ALDH5A1: variants seen among roughly 807,000 people sequenced by gnomAD.
ALDH5A1 encodes aldehyde dehydrogenase 5 family member A1.
ALDH5A1 carries 33 observed loss-of-function variants against 54.7 expected under a neutral mutation model. The observed-to-expected ratio is 0.60, with a 90% CI of 0.46 to 0.81. ALDH5A1 has a LOEUF of 0.81. ALDH5A1 is among the 30% of genes least tolerant of loss of function. The pLI, the probability that ALDH5A1 is intolerant of heterozygous loss-of-function variation, is 0.00. For synonymous variants in ALDH5A1, 294 were observed against 292.7 expected (o/e 1.00, Z -0.05); for missense variants, 657 against 711.0 (o/e 0.92, Z 0.86).
At chr6:24,505,032 A>C in intron 4 of ALDH5A1, 47 bp downstream of exon 4, 1 of 1,592,842 alleles carries the variant, frequency 6.3e-7, no homozygotes, top group Non-Finnish European at 8.6e-7. Flanking sequence ...AAGTTCAAAA[A>C]TTGATGTTTA....
chr6:24,515,121 T>TC (rs74270288), intron 4 of ALDH5A1, 46 bp from the exon 5 acceptor site: 35 of 1,494,300 alleles, frequency 2.3e-5, no homozygotes, highest in South Asian at 7.5e-5. Flanking sequence ...TTTTTTTTTT[T>TC]CAGTTTGGTA....
intron 6 of ALDH5A1, among the ~76,000 whole-genome samples, chr6:24,522,392 T>C (rs1759701889): frequency 6.6e-6 from 1 of 151,342 alleles, no homozygotes; most frequent in Admixed American, 6.6e-5. Context: ...CCTAGGAGAA[T>C]TGCACTCTTT....
intron 8 of ALDH5A1, among the ~76,000 whole-genome samples, chr6:24,529,378 G>A (rs1488544908): frequency 2.6e-5 from 4 of 151,926 alleles, no homozygotes; most frequent in Non-Finnish European, 4.4e-5. Flanking sequence ...TGTTGGCCAG[G>A]CTGGCCTCAA....
intron 3 of ALDH5A1, 123 bp from the exon 4 acceptor site, chr6:24,504,746 G>C: frequency 4.0e-6 from 4 of 989,488 alleles, no homozygotes; most frequent in Non-Finnish European, 6.5e-6. Context: ...CACCTGTGCA[G>C]CCAAACGGGT....
intron 1 of ALDH5A1, among the ~76,000 whole-genome samples, chr6:24,497,583 A>G (rs1764739563): frequency 6.7e-6 from 1 of 148,150 alleles, no homozygotes; most frequent in Admixed American, 6.6e-5. Context: ...AAAGTTCTCC[A>G]AGTCCCCACT....
chr6:24,496,294 G>A (rs1462660896), intron 1 of ALDH5A1, among the ~76,000 whole-genome samples: 1 of 152,176 alleles, frequency 6.6e-6, no homozygotes, highest in Non-Finnish European at 1.5e-5. Context: ...GCAGAAGAGA[G>A]ATCAGAACTC....
At chr6:24,526,962 A>ATCTAC (rs1561878624) in intron 7 of ALDH5A1, among the ~76,000 whole-genome samples, 1 of 10,902 alleles carries the variant, frequency 9.2e-5, no homozygotes, top group Admixed American at 7.6e-4. Flanking sequence ...TAATATATAT[A>ATCTAC]TATGTGTGTG....
At chr6:24,507,533 G>A (rs2328824) in intron 4 of ALDH5A1, among the ~76,000 whole-genome samples, 91,504 of 151,490 alleles carry the variant, frequency 0.6, 28,021 homozygotes, top group Middle Eastern at 0.69. Context: ...TGTGATGATT[G>A]CTTTGAGTCC....
At chr6:24,500,857 G>A (rs914416170) in intron 1 of ALDH5A1, among the ~76,000 whole-genome samples, 1 of 151,920 alleles carries the variant, frequency 6.6e-6, no homozygotes, top group African/African-American at 2.4e-5. Flanking sequence ...GGGTCAGTTA[G>A]CATGAGCAAT....
intron 5 of ALDH5A1, among the ~76,000 whole-genome samples, chr6:24,516,252 C>T (rs1202613740): frequency 2.6e-5 from 4 of 151,420 alleles, no homozygotes; most frequent in African/African-American, 4.9e-5. Flanking sequence ...CTGGCTAACA[C>T]GGTGAAACCC....
In ALDH5A1 at chr6:24,528,111, C is replaced by A. The variant is rs1230578359; in HGVS notation, c.1288C>A (p.Gln430Lys). 1.2e-6 allele frequency: 2 copies of A among 1,614,082 alleles called. No homozygotes were observed. The highest frequency in any genetic ancestry group is 1.1e-5 in the South Asian group (1 of 91,074). Reference protein sequence around the residue: ...FEPTLLCNVTQDMLCTHEETF... With the variant: ...FEPTLLCNVTKDMLCTHEETF... ...GCCTACCCTGCTGTGCAATGTCACC[C>A]AGGACATGCTGTGCACTCATGAAGA... The change falls in exon 8 of 10, where the codon CAG becomes AAG. Residue 430 changes from glutamine (Q) to lysine (K), a missense_variant. Around this residue, in one of 2 missense-constraint regions of ALDH5A1, gnomAD observed 425 missense variants for 516.4 expected, o/e 0.82. Coordinates refer to ENST00000357578, the MANE Select transcript of ALDH5A1 (RefSeq NM_001080.3).
chr6:24,506,366 C>T (rs755909242), intron 4 of ALDH5A1, among the ~76,000 whole-genome samples: 1 of 147,378 alleles, frequency 6.8e-6, no homozygotes, highest in Non-Finnish European at 1.5e-5. Flanking sequence ...CAATTTTCTG[C>T]CTCAGCCTCC....
chr6:24,496,740 C>A (rs1249148486), intron 1 of ALDH5A1, among the ~76,000 whole-genome samples: 1 of 152,146 alleles, frequency 6.6e-6, no homozygotes, highest in Non-Finnish European at 1.5e-5. Flanking sequence ...GGTCTTTCCT[C>A]TGTGTGTATA....
At position 24,506,243 on chromosome 6, in the gene ALDH5A1, CTTTTTTTTTTT is replaced by C. The variant is rs70974913; in HGVS notation, c.726+1278_726+1288del. On this transcript the variant is annotated intron_variant, in intron 4 of 9. Coordinates refer to ENST00000357578, the MANE Select transcript of ALDH5A1 (RefSeq NM_001080.3). ...TCTGCACCTCCTTCTTTCCTGGTTC[CTTTTTTTTTTT>C]TTTTTTTTTTTTTTTTTTTGAGACA... Among the ~76,000 whole-genome samples the C allele has an allele frequency of 8.5e-3, 442 of 52,152 alleles. 3 individuals carry two copies. Among genetic ancestry groups the C allele is most frequent in the African/African-American group, 0.018 (244 of 13,530 alleles). The allele number at this position is 52,152 out of a possible 152,430, so 34.2% of individuals were successfully genotyped here. A position where few individuals can be genotyped will look rare whatever the true frequency, so the allele number is the denominator to read the frequency against.
rs988361527 is a variant in ALDH5A1 at position 24,518,293 on chromosome 6, G to A, written c.871-2108G>A. Among the ~76,000 whole-genome samples the A allele has an allele frequency of 5.3e-5, 8 of 152,240 alleles. No homozygotes were observed. Among genetic ancestry groups the A allele is most frequent in the African/African-American group, 1.4e-4 (6 of 41,462 alleles). ...GAGGCCCTGAGGAGGTCAGCCCATG[G>A]GAACTGGAGCTGGGAAAAGATTCAT... On this transcript the variant is annotated intron_variant, in intron 5 of 9. Transcript: ENST00000357578. The surrounding 1 kb of genome is among the most constrained non-coding windows in gnomAD (Gnocchi z 4.2).
chr6:24,520,291 C>T (rs1561875713), intron 5 of ALDH5A1, 110 bp from the exon 6 acceptor site: 2 of 1,220,146 alleles, frequency 1.6e-6, no homozygotes, highest in Non-Finnish European at 2.4e-6. Context: ...ATCCCATGTA[C>T]ACCACTGTGC....
rs375453445 is a variant in ALDH5A1 at position 24,502,514 on chromosome 6, C to G, written c.355-9C>G. ...TTATTACTTTTCTGCCTTGTTATTT[C>G]TTTTGCAGGAGAGGAGTTCATTACT... is the stretch of plus-strand genomic sequence containing the variant. On this transcript the variant is annotated splice_polypyrimidine_tract_variant and intron_variant, in intron 1 of 9. Coordinates refer to ENST00000357578, the MANE Select transcript of ALDH5A1 (RefSeq NM_001080.3). The G allele has an allele frequency of 7.9e-5, 127 of 1,600,058 alleles. No individual in the cohort carries two copies. The African/African-American group carries it at 1.5e-3, about 18-fold the overall frequency.
At chr6:24,523,884 A>G (rs1191470334) in intron 7 of ALDH5A1, among the ~76,000 whole-genome samples, 1 of 152,088 alleles carries the variant, frequency 6.6e-6, no homozygotes, top group Non-Finnish European at 1.5e-5. Flanking sequence ...AATCCATACT[A>G]CTAGCTATAT....
intron 5 of ALDH5A1, among the ~76,000 whole-genome samples, chr6:24,517,966 C>G (rs1183930022): frequency 6.6e-6 from 1 of 152,226 alleles, no homozygotes; most frequent in Non-Finnish European, 1.5e-5. Flanking sequence ...TGTTGTAAAG[C>G]ATATGATACC....
Sources: gnomAD v4.1 joint callset for allele counts (sites outside exome capture counted in the v4.1 genomes callset) on GRCh38, gnomAD v4.1.1 for gene constraint, gnomAD v4.1.1 regional missense constraint, Gnocchi (gnomAD v3.1) non-coding constraint, MANE v1.5 for transcripts, NCBI Gene and HGNC (gene_info 2026-07-23, HGNC 2026-07-21) for gene names.